Variants in PDE8A observed in about 807,000 individuals in gnomAD.
The protein encoded by PDE8A is phosphodiesterase 8A, also known as high affinity cAMP-specific and IBMX-insensitive 3',5'-cyclic phosphodiesterase 8A.
Under a neutral mutation model 105.0 loss-of-function variants are expected in PDE8A, and 59 were observed. The observed-to-expected ratio is 0.56, with a 90% confidence interval of 0.46 to 0.70. PDE8A has a LOEUF of 0.70. Ranked by LOEUF, PDE8A falls within the 30% of genes least tolerant of loss-of-function variation. The probability of loss-of-function intolerance (pLI) is 0.00; values close to 1 mark genes in which losing one functional copy is unlikely to be tolerated. For synonymous variants in PDE8A, 355 were observed against 371.9 expected (o/e 0.95, Z 0.52); for missense variants, 1,014 against 1,045.9 (o/e 0.97, Z 0.42).
chr15:85,092,122 A>C (rs1043170979), intron 8 of PDE8A, among the ~76,000 whole-genome samples: 2 of 151,924 alleles, frequency 1.3e-5, no homozygotes, highest in Admixed American at 1.3e-4. Context: ...TACTCCGCTC[A>C]TCTTGGACCC....
intron 20 of PDE8A, among the ~76,000 whole-genome samples, chr15:85,133,081 A>C (rs2082351820): frequency 6.6e-6 from 1 of 152,078 alleles, no homozygotes; most frequent in Admixed American, 6.5e-5. Context: ...CCCATCATGA[A>C]AGTTTAAAGT....
At chr15:85,082,381 T>G (rs1161027602) in intron 5 of PDE8A, among the ~76,000 whole-genome samples, 1 of 152,154 alleles carries the variant, frequency 6.6e-6, no homozygotes, top group Non-Finnish European at 1.5e-5. Context: ...CTTTCTCCCA[T>G]CATGTCTTTT....
chr15:85,004,118 G>A (rs1159910256), intron 1 of PDE8A, among the ~76,000 whole-genome samples: 3 of 152,210 alleles, frequency 2.0e-5, no homozygotes, highest in Non-Finnish European at 4.4e-5. Flanking sequence ...GAGGAACTGA[G>A]TTTCAGTAGC....
At chr15:85,119,607 T>C (rs1406055576) in intron 17 of PDE8A, among the ~76,000 whole-genome samples, 1 of 151,798 alleles carries the variant, frequency 6.6e-6, no homozygotes, top group East Asian at 1.9e-4. Flanking sequence ...ATCTCAAGAG[T>C]CTGTAGGGTA....
chr15:85,136,466 G>A, intron 20 of PDE8A, 68 bp from the exon 21 acceptor site: 1 of 1,527,560 alleles, frequency 6.5e-7, no homozygotes, highest in Non-Finnish European at 8.8e-7. Flanking sequence ...CTTCCTGGGG[G>A]AGGGGCTGCC....
chr15:85,134,973 C>T (rs916604442), intron 20 of PDE8A, among the ~76,000 whole-genome samples: 8 of 152,090 alleles, frequency 5.3e-5, no homozygotes, highest in Admixed American at 2.0e-4. Context: ...ACGCAAGTGC[C>T]GGAGCTGGTG....
At chr15:85,030,896 A>G (rs890377097) in intron 1 of PDE8A, among the ~76,000 whole-genome samples, 1 of 152,218 alleles carries the variant, frequency 6.6e-6, no homozygotes. Flanking sequence ...TCCTGTTGTT[A>G]AACATTCACA....
At chr15:85,136,869 T>C (rs1175157140) in intron 21 of PDE8A, among the ~76,000 whole-genome samples, 1 of 152,132 alleles carries the variant, frequency 6.6e-6, no homozygotes, top group East Asian at 1.9e-4. Flanking sequence ...TATGCCTGTT[T>C]TATAGATGAC....
rs189989654 is a variant in PDE8A at position 85,123,658 on chromosome 15, C to T, written c.2085+465C>T. On this transcript the variant is annotated intron_variant, in intron 19 of 21. Transcript: ENST00000394553. ...AAGGGTGGATCTGCCTTCCCCAGCC[C>T]ACTGACTCAAATGTTAATCTCTTTT... 3.2e-4 allele frequency among the ~76,000 whole-genome samples: 48 copies of T among 152,284 alleles called. No individual in the cohort carries two copies. In the East Asian group the frequency reaches 9.3e-3, roughly 29 times the overall value.
chr15:85,136,715 G>A (rs747449591), intron 21 of PDE8A, 52 bp downstream of exon 21: 59 of 1,549,964 alleles, frequency 3.8e-5, no homozygotes, highest in South Asian at 3.2e-4. Context: ...ATGGGGAACC[G>A]CGTATGAAAG....
rs2141459083 is a variant in PDE8A, at chr15:85,067,020, T to C, written c.250T>C (p.Leu84=). ...TTGTGCTCTTTTGATTCAGGTACTT[T>C]TAGTGTTTACCAAAGAAGATAACCA... ...RFHQDQLQVL[L]VFTKEDNQCN... The change falls in exon 3 of 22, where the codon TTA becomes CTA. Residue 84 remains leucine (L), a synonymous_variant. Coordinates refer to ENST00000394553, the MANE Select transcript of PDE8A (RefSeq NM_002605.3). 6.3e-7 allele frequency: 1 copy of C among 1,598,422 alleles called. No homozygotes were observed. Among genetic ancestry groups the C allele is most frequent in the Non-Finnish European group, 8.5e-7 (1 of 1,173,112 alleles).
chr15:85,022,293 A>G (rs2080439069), intron 1 of PDE8A, among the ~76,000 whole-genome samples: 3 of 152,262 alleles, frequency 2.0e-5, no homozygotes, highest in East Asian at 1.9e-4. Flanking sequence ...ACATTTTGTT[A>G]TATCTGTTTG....
intron 1 of PDE8A, among the ~76,000 whole-genome samples, chr15:84,997,871 C>T (rs2080005274): frequency 6.6e-6 from 1 of 152,204 alleles, no homozygotes; most frequent in African/African-American, 2.4e-5. Context: ...CTGGGATTGA[C>T]AGGCATGAGC....
chr15:85,118,434 GC>G (rs565274745), intron 17 of PDE8A, among the ~76,000 whole-genome samples: 1 of 152,002 alleles, frequency 6.6e-6, no homozygotes, highest in Non-Finnish European at 1.5e-5. Context: ...TCCCAGTGAG[GC>G]CCCCCGCAAT....
rs776545335 is a variant in PDE8A, at chr15:84,982,132, C to G, written c.-31C>G. 37 of 1,286,454 alleles carry G rather than the reference C, an allele frequency of 2.9e-5. No individual in the cohort carries two copies. The highest frequency in any genetic ancestry group is 7.8e-5 in the Admixed American group (2 of 25,624). The allele number at this position is 1,286,454 out of a possible 1,614,324, so 79.7% of individuals were successfully genotyped here. The stretch of plus-strand genomic sequence containing the variant: ...CGTTTGCTGACCGGATCGCGGCTAC[C>G]CGCCAGCGTGTCCGCGGCGCCGCCG... On this transcript the variant is annotated 5_prime_UTR_variant, in exon 1 of 22. Coordinates refer to ENST00000394553, the MANE Select transcript of PDE8A (RefSeq NM_002605.3).
In PDE8A at chr15:85,097,951, T is replaced by C; in HGVS notation, c.856T>C (p.Trp286Arg). ...GATGCTTACATTCCATTTATAGGAG[T>C]GGCAAGGAATTTACTATGCCAAAAA... is the stretch of plus-strand genomic sequence containing the variant. ...INSCIRIGKEWQGIYYAKKKN... is the reference protein window; with the variant it reads ...INSCIRIGKERQGIYYAKKKN... Residue 286 changes from tryptophan to arginine, a missense_variant, in exon 9 of 22, where the codon TGG (tryptophan) becomes CGG (arginine). Trp to Arg is a moderately radical substitution (Grantham distance 101). Coordinates refer to ENST00000394553, the MANE Select transcript of PDE8A (RefSeq NM_002605.3). 6.5e-7 allele frequency: 1 copy of C among 1,533,972 alleles called. No individual in the cohort carries two copies. The highest frequency in any genetic ancestry group is 1.1e-5 in the South Asian group (1 of 89,308).
intron 1 of PDE8A, among the ~76,000 whole-genome samples, chr15:85,002,916 A>G (rs1033700801): frequency 6.6e-6 from 1 of 152,222 alleles, no homozygotes; most frequent in Admixed American, 6.5e-5. Flanking sequence ...AAGATAAGCT[A>G]TGAGTGAGGA....
chr15:84,998,455 G>C (rs184709994), intron 1 of PDE8A, among the ~76,000 whole-genome samples: 1 of 152,294 alleles, frequency 6.6e-6, no homozygotes, highest in East Asian at 1.9e-4. Context: ...TTGAACACTT[G>C]GAATTTCTAA....
At chr15:85,134,316 C>T (rs768590186) in intron 20 of PDE8A, among the ~76,000 whole-genome samples, 7 of 152,184 alleles carry the variant, frequency 4.6e-5, no homozygotes, top group African/African-American at 1.4e-4. Flanking sequence ...TAGGGTCTAG[C>T]GTGACCAAGG....
Sources: gnomAD v4.1 joint callset for allele counts (sites outside exome capture counted in the v4.1 genomes callset) on GRCh38, gnomAD v4.1.1 for gene constraint, MANE v1.5 for transcripts, NCBI Gene and HGNC (gene_info 2026-07-23, HGNC 2026-07-21) for gene names.